RASL10A: variants seen among roughly 807,000 people sequenced by gnomAD.
RASL10A encodes ras-like protein family member 10A.
A neutral mutation model predicts 17.3 loss-of-function variants in RASL10A; 13 were observed. The ratio of observed to expected loss-of-function variants is 0.75; its 90% confidence interval spans 0.49 to 1.20. The LOEUF is 1.20. Ranked by LOEUF, RASL10A falls within the 50% of genes most tolerant of loss-of-function variation. The probability of loss-of-function intolerance (pLI) is 0.00; values close to 1 mark genes in which losing one functional copy is unlikely to be tolerated. For missense variants in RASL10A, 307 were observed against 310.3 expected (o/e 0.99, Z 0.08); for synonymous variants, 159 against 142.2 (o/e 1.12, Z -0.84).
At position 29,313,140 on chromosome 22, in the gene RASL10A, G is replaced by A. The variant is rs191041003; in HGVS notation, c.*161C>T. The A allele has an allele frequency of 1.7e-4, 169 of 1,004,964 alleles. 3 individuals carry two copies. The African/African-American group carries it at 2.6e-3, about 15-fold the overall frequency. 62.3% of individuals were successfully genotyped at this position (1,004,964 alleles called of 1,614,324 possible). A position where few individuals can be genotyped will look rare whatever the true frequency, so the allele number is the denominator to read the frequency against. Reference sequence around the variant, plus strand: ...TGGTTGGGTCCAATGAGGTTCAAAAGGGGGCCAGTCGCTTAGGAGACTGGG... The same window carrying A: ...TGGTTGGGTCCAATGAGGTTCAAAAAGGGGCCAGTCGCTTAGGAGACTGGG... On this transcript the variant is annotated 3_prime_UTR_variant, in exon 3 of 3. Transcript: ENST00000216101.
chr22:29,313,674 G>GCCCC, intron 2 of RASL10A, 106 bp from the exon 3 acceptor site: 1 of 1,388,432 alleles, frequency 7.2e-7, no homozygotes, highest in Non-Finnish European at 9.5e-7. Flanking sequence ...CAGAGACACC[G>GCCCC]CCCCCCCCGC....
upstream of RASL10A, among the ~76,000 whole-genome samples, chr22:29,317,981 CG>C (rs2061461412): frequency 6.6e-6 from 1 of 151,906 alleles, no homozygotes; most frequent in Non-Finnish European, 1.5e-5. Flanking sequence ...CCACTGCGCC[CG>C]GCCAGGACGG....
At position 29,313,852 on chromosome 22, in the gene RASL10A, C is replaced by A; in HGVS notation, c.344+11G>T. 1.2e-6 allele frequency: 2 copies of A among 1,612,698 alleles called. No individual in the cohort carries two copies. The highest frequency in any genetic ancestry group is 1.7e-6 in the Non-Finnish European group (2 of 1,179,992). On this transcript the variant is annotated intron_variant, in intron 2 of 2. Coordinates refer to ENST00000216101, the MANE Select transcript of RASL10A (RefSeq NM_006477.5). ...CCTAGCTCCCCACCGCCAGAACTGC[C>A]GGGCCCCTACCTGGTCTCCGCGATG...
In RASL10A at chr22:29,315,330, G is replaced by T; in HGVS notation, c.-84C>A. The T allele has an allele frequency of 1.0e-6, 1 of 970,354 alleles. No individual in the cohort carries two copies. The highest frequency in any genetic ancestry group is 1.3e-6 in the Non-Finnish European group (1 of 756,894). 60.1% of individuals were successfully genotyped at this position (970,354 alleles called of 1,614,324 possible). A position where few individuals can be genotyped will look rare whatever the true frequency, so the allele number is the denominator to read the frequency against. On this transcript the variant is annotated 5_prime_UTR_variant, in exon 1 of 3. Transcript: ENST00000216101. The surrounding 1 kb of genome is among the most constrained non-coding windows in gnomAD (Gnocchi z 5.5). ...TGCGCCCCCAGGCCGTGCGCCCCGC[G>T]CGCCCTGCCCGGTGCGCCACGGCCC...
intron 1 of RASL10A, 76 bp downstream of exon 1, chr22:29,314,952 C>G: frequency 4.1e-6 from 5 of 1,225,204 alleles, no homozygotes; most frequent in Non-Finnish European, 5.4e-6. Flanking sequence ...GGCCTCCACG[C>G]GGACACGCAC....
chr22:29,317,116 CCT>C (rs1186131720), upstream of RASL10A: 5 of 152,308 alleles, frequency 3.3e-5, no homozygotes, highest in Admixed American at 2.6e-4. Flanking sequence ...CTCAGAACCA[CCT>C]CTGTCTAGTG....
Position 29,313,268 on chromosome 22 carries a change from G to T in RASL10A, c.*33C>A, listed in dbSNP as rs1454448751. The T allele has an allele frequency of 3.4e-6, 5 of 1,457,902 alleles. No individual in the cohort carries two copies. The allele number at this position is 1,457,902 out of a possible 1,614,324, so 90.3% of individuals were successfully genotyped here. A position where few individuals can be genotyped will look rare whatever the true frequency, so the allele number is the denominator to read the frequency against. On this transcript the variant is annotated 3_prime_UTR_variant, in exon 3 of 3. Transcript: ENST00000216101. ...AGGTCCCTGATTGTCCCAGTCACAA[G>T]GTGGGGCCCATGGATGGCACTGTCC...
At position 29,313,069 on chromosome 22, in the gene RASL10A, T is replaced by C. The variant is rs79705684; in HGVS notation, c.*232A>G. The C allele has an allele frequency of 5.3e-3, 2,507 of 474,936 alleles. 74 individuals are homozygous for C. The highest frequency in any genetic ancestry group is 0.047 in the African/African-American group (2,340 of 49,456). The allele number at this position is 474,936 out of a possible 1,614,324, so 29.4% of individuals were successfully genotyped here. On this transcript the variant is annotated 3_prime_UTR_variant, in exon 3 of 3. Coordinates refer to ENST00000216101, the MANE Select transcript of RASL10A (RefSeq NM_006477.5). The stretch of plus-strand genomic sequence containing the variant: ...TTCCATCCAATGGGATTGTGACCCA[T>C]TGAGGTCCCAGAAAGGACTGGTCAT...
In RASL10A at chr22:29,315,378, C is replaced by T. The variant is rs2061447790; in HGVS notation, c.-132G>A. On this transcript the variant is annotated 5_prime_UTR_variant, in exon 1 of 3. Coordinates refer to ENST00000216101, the MANE Select transcript of RASL10A (RefSeq NM_006477.5). This position sits in a 1 kb window ranked among gnomAD's most constrained non-coding sequence, Gnocchi z 5.5. Reference sequence around the variant, plus strand: ...CCCCGTCGCGCTTCTCGTCGCCCCTCGGAGCACCGAGACCGGAGAGGGCAG... The same window carrying T: ...CCCCGTCGCGCTTCTCGTCGCCCCTTGGAGCACCGAGACCGGAGAGGGCAG... The T allele has an allele frequency of 1.6e-5, 8 of 506,192 alleles. No homozygotes were observed. The South Asian group carries it at 5.9e-4, about 38-fold the overall frequency. The allele number at this position is 506,192 out of a possible 1,614,324, so 31.4% of individuals were successfully genotyped here.
chr22:29,314,860 C>T (rs1194927857), intron 1 of RASL10A, among the ~76,000 whole-genome samples, 168 bp downstream of exon 1: 1 of 152,250 alleles, frequency 6.6e-6, no homozygotes, highest in Non-Finnish European at 1.5e-5. Context: ...TGGGCGTCTC[C>T]AGGTCGGCGG....
upstream of RASL10A, among the ~76,000 whole-genome samples, chr22:29,318,146 G>C (rs922247189): frequency 6.6e-6 from 1 of 152,226 alleles, no homozygotes. Flanking sequence ...GGATGGCGAG[G>C]GGAAGGGGCA....
chr22:29,314,855 G>T (rs1270889771), intron 1 of RASL10A, among the ~76,000 whole-genome samples, 173 bp downstream of exon 1: 1 of 152,236 alleles, frequency 6.6e-6, no homozygotes, highest in African/African-American at 2.4e-5. Context: ...GGGCTTGGGC[G>T]TCTCCAGGTC....
rs910139455 is a variant in RASL10A, at chr22:29,315,008, C to A, written c.219+20G>T. 10 of 1,480,876 alleles carry A rather than the reference C, an allele frequency of 6.8e-6. No homozygotes were observed. The Admixed American group carries it at 2.2e-4, about 33-fold the overall frequency. The allele number at this position is 1,480,876 out of a possible 1,614,324, so 91.7% of individuals were successfully genotyped here. A position where few individuals can be genotyped will look rare whatever the true frequency, so the allele number is the denominator to read the frequency against. ...CCCCTCACACTGTCACACGCCCCTG[C>A]CCGCTCCTCGAGCCGCTACCTCCGG... On this transcript the variant is annotated intron_variant, in intron 1 of 2. Transcript: ENST00000216101. This position sits in a 1 kb window ranked among gnomAD's most constrained non-coding sequence, Gnocchi z 5.5.
chr22:29,313,845 G>T lies in RASL10A; in HGVS notation c.344+18C>A. 1 of 1,612,262 alleles carries T rather than the reference G, an allele frequency of 6.2e-7. No homozygotes were observed. The highest frequency in any genetic ancestry group is 8.5e-7 in the Non-Finnish European group (1 of 1,180,004). ...GACCTGTCCTAGCTCCCCACCGCCA[G>T]AACTGCCGGGCCCCTACCTGGTCTC... On this transcript the variant is annotated intron_variant, in intron 2 of 2. Transcript: ENST00000216101.
chr22:29,316,134 C>T (rs140872631), upstream of RASL10A, among the ~76,000 whole-genome samples: 19 of 152,336 alleles, frequency 1.2e-4, no homozygotes, highest in African/African-American at 4.6e-4. Context: ...CTACTATGTG[C>T]CAGGCCCATT....
At position 29,313,845 on chromosome 22, in the gene RASL10A, G is replaced by C. The variant is rs1226636971; in HGVS notation, c.344+18C>G. On this transcript the variant is annotated intron_variant, in intron 2 of 2. Transcript: ENST00000216101. Reference sequence around the variant, plus strand: ...GACCTGTCCTAGCTCCCCACCGCCAGAACTGCCGGGCCCCTACCTGGTCTC... The same window carrying C: ...GACCTGTCCTAGCTCCCCACCGCCACAACTGCCGGGCCCCTACCTGGTCTC... 12 of 1,612,144 alleles carry C rather than the reference G, an allele frequency of 7.4e-6. No homozygotes were observed. The Admixed American group carries it at 2.0e-4, about 27-fold the overall frequency.
upstream of RASL10A, among the ~76,000 whole-genome samples, chr22:29,318,509 G>A (rs941586362): frequency 2.0e-5 from 3 of 152,212 alleles, no homozygotes; most frequent in African/African-American, 7.2e-5. Context: ...ACTTGGGGAG[G>A]CCTCTAGGTC....
At position 29,313,212 on chromosome 22, in the gene RASL10A, C is replaced by A. The variant is rs556666969; in HGVS notation, c.*89G>T. On this transcript the variant is annotated 3_prime_UTR_variant, in exon 3 of 3. Coordinates refer to ENST00000216101, the MANE Select transcript of RASL10A (RefSeq NM_006477.5). Reference sequence around the variant, plus strand: ...CAGGGCGGAGACTTCCCTGTCCAGTCCCAGTGAAGTTGGGCGATCCCGTCC... The same window carrying A: ...CAGGGCGGAGACTTCCCTGTCCAGTACCAGTGAAGTTGGGCGATCCCGTCC... The A allele has an allele frequency of 1.2e-4, 169 of 1,383,694 alleles. No individual in the cohort carries two copies. The East Asian group carries it at 2.9e-3, about 24-fold the overall frequency. The allele number at this position is 1,383,694 out of a possible 1,614,324, so 85.7% of individuals were successfully genotyped here.
rs1039567934 is a variant in RASL10A at position 29,313,376 on chromosome 22, C to T, written c.537G>A (p.Leu179=). 24 of 1,543,896 alleles carry T rather than the reference C, an allele frequency of 1.6e-5. No individual in the cohort carries two copies. Among genetic ancestry groups the T allele is most frequent in the Middle Eastern group, 1.7e-4 (1 of 5,808 alleles). ...CCGGGTGTGCAGGGCGCGCGCGCAC[C>T]AGAGCGCAGCGCAGCAGCTCGCGGA... ...RLFRELLRCA[L]VRARPAHPAL... The change falls in exon 3 of 3, where the codon CTG becomes CTA. Residue 179 remains leucine, a synonymous_variant. Transcript: ENST00000216101.
Sources: gnomAD v4.1 joint callset for allele counts (sites outside exome capture counted in the v4.1 genomes callset) on GRCh38, gnomAD v4.1.1 for gene constraint, Gnocchi (gnomAD v3.1) non-coding constraint, MANE v1.5 for transcripts, NCBI Gene and HGNC (gene_info 2026-07-23, HGNC 2026-07-21) for gene names.